The following STRN variants were observed in gnomAD, a reference collection of about 807,000 sequenced individuals.
The protein encoded by STRN is protein phosphatase 2 regulatory subunit B'''alpha.
STRN carries 53 observed loss-of-function variants against 96.3 expected under a neutral mutation model. The ratio of observed to expected loss-of-function variants is 0.55; its 90% CI spans 0.44 to 0.69. The LOEUF (loss-of-function observed/expected upper bound fraction) is 0.69, where lower values mean the gene tolerates loss of function less well. Among genes scored for constraint, STRN ranks in the 30% least tolerant of loss-of-function variants. STRN has a pLI of 0.00. For missense variants in STRN, 987 were observed against 963.9 expected, an observed-to-expected ratio of 1.02 and a Z score of -0.32; for synonymous variants, 428 against 355.9, an observed-to-expected ratio of 1.20 and a Z score of -2.28.
chr2:36,879,436 G>A (rs921607394), intron 9 of STRN, among the ~76,000 whole-genome samples: 1 of 152,184 alleles, frequency 6.6e-6, no homozygotes, highest in Non-Finnish European at 1.5e-5. Context: ...AAAGATGTCA[G>A]TTTTACTTTG....
intron 2 of STRN, among the ~76,000 whole-genome samples, chr2:36,917,837 AT>A (rs1200245419): frequency 6.6e-6 from 1 of 152,078 alleles, no homozygotes; most frequent in African/African-American, 2.4e-5. Flanking sequence ...AAGGAAAAAA[AT>A]ATATTCATAT....
At chr2:36,879,368 C>T (rs542881814) in intron 9 of STRN, among the ~76,000 whole-genome samples, 3 of 152,338 alleles carry the variant, frequency 2.0e-5, no homozygotes, top group South Asian at 2.1e-4. Flanking sequence ...CCACGCCCAG[C>T]GAGAAAATTT....
chr2:36,896,404 A>G (rs1669540643), intron 6 of STRN, among the ~76,000 whole-genome samples: 1 of 152,232 alleles, frequency 6.6e-6, no homozygotes, highest in Admixed American at 6.5e-5. Flanking sequence ...GGTAGAGAAG[A>G]AAAATGAATT....
intron 13 of STRN, among the ~76,000 whole-genome samples, chr2:36,859,673 G>T (rs1315662187): frequency 6.6e-6 from 1 of 152,140 alleles, no homozygotes; most frequent in Non-Finnish European, 1.5e-5. Context: ...TAGGGTCTGG[G>T]TCTTTATAAA....
chr2:36,888,353 C>T (rs1167368550), intron 7 of STRN, among the ~76,000 whole-genome samples: 1 of 152,082 alleles, frequency 6.6e-6, no homozygotes, highest in African/African-American at 2.4e-5. Context: ...TGCTCAAATC[C>T]CTCCCATGGC....
At chr2:36,850,900 C>A (rs977699989) in intron 16 of STRN, 100 bp downstream of exon 16, 31 of 840,150 alleles carry the variant, frequency 3.7e-5, no homozygotes, top group African/African-American at 5.3e-5. Context: ...GTGCCTATTC[C>A]CTGACTACGA....
chr2:36,914,700 G>T (rs1284148051), intron 3 of STRN, among the ~76,000 whole-genome samples: 1 of 152,138 alleles, frequency 6.6e-6, no homozygotes, highest in East Asian at 1.9e-4. Context: ...GTCAAATACA[G>T]AAGCAACATG....
At chr2:36,940,306 A>G (rs1257876592) in intron 1 of STRN, among the ~76,000 whole-genome samples, 1 of 152,230 alleles carries the variant, frequency 6.6e-6, no homozygotes, top group South Asian at 2.1e-4. Flanking sequence ...CAATATTAAT[A>G]AACAAAATAG....
In STRN at chr2:36,874,024, G is replaced by C. The variant is rs560910973; in HGVS notation, c.1323+3867C>G. ...TAATCCCAGCACTCTGGGAGGCTGA[G>C]GCGGGTGGATCACAAGGTCAGGAGA... On this transcript the variant is annotated intron_variant, in intron 10 of 17. Transcript: ENST00000263918. 4.6e-5 allele frequency among the ~76,000 whole-genome samples: 7 copies of C among 151,942 alleles called. No individual in the cohort carries two copies. In the East Asian group the frequency reaches 1.4e-3, roughly 29 times the overall value.
chr2:36,891,871 C>A (rs548577925), intron 7 of STRN, among the ~76,000 whole-genome samples: 30 of 152,052 alleles, frequency 2.0e-4, no homozygotes, highest in Non-Finnish European at 4.1e-4. Context: ...AAAAGTTCAA[C>A]AGAATTTTTA....
chr2:36,946,592 T>C (rs182547697), intron 1 of STRN, among the ~76,000 whole-genome samples: 1 of 152,336 alleles, frequency 6.6e-6, no homozygotes, highest in East Asian at 1.9e-4. Flanking sequence ...AAATGTGGTA[T>C]ACACTAAATT....
Position 36,867,823 on chromosome 2 carries a change from C to G in STRN, c.1538G>C (p.Arg513Thr). The change falls in exon 12 of 18, where the codon AGA (arginine) becomes ACA (threonine). Residue 513 changes from arginine to threonine, a missense_variant. Transcript: ENST00000263918. ...AAAAACATATACTTACTTATGGGCT[C>G]TGAATGTATAGATAGGTTCTACATC... ...SLDVEPIYTFRAHKGPVLCVV... is the reference protein window; with the variant it reads ...SLDVEPIYTFTAHKGPVLCVV... The G allele has an allele frequency of 6.3e-7, 1 of 1,583,186 alleles. No individual in the cohort carries two copies. The highest frequency in any genetic ancestry group is 8.6e-7 in the Non-Finnish European group (1 of 1,166,296).
chr2:36,938,581 T>C (rs937199076), intron 1 of STRN, among the ~76,000 whole-genome samples: 31 of 152,228 alleles, frequency 2.0e-4, no homozygotes, highest in Admixed American at 2.0e-3. Context: ...AACTGGTGTT[T>C]GCTATTTGCA....
intron 3 of STRN, among the ~76,000 whole-genome samples, chr2:36,914,474 T>G (rs1670039482): frequency 6.6e-6 from 1 of 152,182 alleles, no homozygotes; most frequent in Non-Finnish European, 1.5e-5. Flanking sequence ...ATTTTGAAAT[T>G]TAAGCACATC....
chr2:36,887,468 C>T (rs1452183884), intron 7 of STRN, among the ~76,000 whole-genome samples: 2 of 150,972 alleles, frequency 1.3e-5, no homozygotes, highest in African/African-American at 2.4e-5. Context: ...AAAACTCTGT[C>T]TCAAAAAAAA....
rs905975180 is a variant in STRN, at chr2:36,843,857, A to G, written c.*5599T>C. 2.3e-4 allele frequency: 35 copies of G among 152,224 alleles called. No individual in the cohort carries two copies. The highest frequency in any genetic ancestry group is 7.2e-4 in the African/African-American group (30 of 41,462). 9.4% of individuals were successfully genotyped at this position (152,224 alleles called of 1,614,324 possible). ...ATACACTTAGAGCCACCAAAGATGG[A>G]TATCTTAATTAGCTTATCCATACCC... On this transcript the variant is annotated 3_prime_UTR_variant, in exon 18 of 18. Coordinates refer to ENST00000263918, the MANE Select transcript of STRN (RefSeq NM_003162.4).
intron 3 of STRN, among the ~76,000 whole-genome samples, chr2:36,908,317 G>A (rs1010500529): frequency 6.6e-6 from 1 of 152,202 alleles, no homozygotes; most frequent in African/African-American, 2.4e-5. Flanking sequence ...TTACAAAAAA[G>A]TGTGATACAG....
chr2:36,878,268 T>G (rs1231404607), intron 9 of STRN, among the ~76,000 whole-genome samples: 1 of 152,194 alleles, frequency 6.6e-6, no homozygotes, highest in Non-Finnish European at 1.5e-5. Context: ...AATCTAAGAA[T>G]CCACTGTCCT....
At chr2:36,892,933 T>C (rs560872005) in intron 7 of STRN, among the ~76,000 whole-genome samples, 1 of 151,934 alleles carries the variant, frequency 6.6e-6, no homozygotes, top group Admixed American at 6.6e-5. Context: ...GGCATGAGAA[T>C]TGCTTGAACC....
Sources: gnomAD v4.1 joint callset for allele counts (sites outside exome capture counted in the v4.1 genomes callset) on GRCh38, gnomAD v4.1.1 for gene constraint, MANE v1.5 for transcripts, NCBI Gene and HGNC (gene_info 2026-07-23, HGNC 2026-07-21) for gene names.